Variants in ULK4 observed in about 807,000 individuals in gnomAD.
ULK4 encodes the protein inactive serine/threonine-protein kinase ULK4.
In ULK4, 133 loss-of-function variants were observed where a neutral mutation model predicts 160.6. That is an observed-to-expected ratio of 0.83 (90% CI 0.72 to 0.96). The LOEUF is 0.96. Among genes scored for constraint, ULK4 ranks in the 40% least tolerant of loss-of-function variants. ULK4 has a pLI of 0.00. For synonymous variants in ULK4, 534 were observed against 539.8 expected (o/e 0.99, Z 0.15); for missense variants, 1,580 against 1,499.5 (o/e 1.05, Z -0.89).
At chr3:41,662,474 C>G (rs1019875933) in intron 30 of ULK4, among the ~76,000 whole-genome samples, 8 of 152,170 alleles carry the variant, frequency 5.3e-5, no homozygotes, top group African/African-American at 1.7e-4. Flanking sequence ...CCCTGACACA[C>G]CCACTGGGAT....
At chr3:41,853,530 T>G (rs571529810) in intron 17 of ULK4, among the ~76,000 whole-genome samples, 4 of 152,328 alleles carry the variant, frequency 2.6e-5, no homozygotes, top group African/African-American at 9.6e-5. Flanking sequence ...TCACGTACCC[T>G]ACACTTAAAG....
At chr3:41,398,612 G>A (rs1361089845) in intron 34 of ULK4, among the ~76,000 whole-genome samples, 1 of 127,844 alleles carries the variant, frequency 7.8e-6, no homozygotes, top group East Asian at 2.3e-4. Context: ...GGCTAGTTTT[G>A]AACTCCTGGG....
At chr3:41,445,405 T>G (rs988162937) in intron 34 of ULK4, among the ~76,000 whole-genome samples, 1 of 152,134 alleles carries the variant, frequency 6.6e-6, no homozygotes, top group African/African-American at 2.4e-5. Flanking sequence ...AAAAAGAGCC[T>G]GCATCGCCAA....
At chr3:41,582,793 A>T (rs1046973586) in intron 31 of ULK4, among the ~76,000 whole-genome samples, 2 of 152,282 alleles carry the variant, frequency 1.3e-5, no homozygotes, top group African/African-American at 4.8e-5. Context: ...GCTACAAAAC[A>T]TAAAAGGTTA....
chr3:41,426,224 C>A (rs773901055), intron 34 of ULK4, among the ~76,000 whole-genome samples: 2 of 152,162 alleles, frequency 1.3e-5, no homozygotes, highest in Non-Finnish European at 2.9e-5. Context: ...ACAAGAAGAG[C>A]TAACTATCCT....
intron 23 of ULK4, among the ~76,000 whole-genome samples, chr3:41,716,091 T>C (rs1485040246): frequency 2.0e-5 from 3 of 151,274 alleles, no homozygotes; most frequent in Non-Finnish European, 4.4e-5. Context: ...TGTGCGCCTG[T>C]AGTCCCAGCT....
intron 32 of ULK4, among the ~76,000 whole-genome samples, chr3:41,560,236 A>G (rs559540323): frequency 6.6e-6 from 1 of 152,254 alleles, no homozygotes; most frequent in Admixed American, 6.5e-5. Flanking sequence ...CTGATTTGGT[A>G]CCAATATCAT....
intron 2 of ULK4, among the ~76,000 whole-genome samples, chr3:41,940,189 C>T (rs1413053316): frequency 6.6e-6 from 1 of 152,092 alleles, no homozygotes; most frequent in Non-Finnish European, 1.5e-5. Context: ...AGACACGAAG[C>T]GCCAGGCCCC....
rs556738908 is a variant in ULK4, at chr3:41,371,146, C to T, written c.3678+26933G>A. On this transcript the variant is annotated intron_variant, in intron 35 of 36. Coordinates refer to ENST00000301831, the MANE Select transcript of ULK4 (RefSeq NM_017886.4). ...CTGAAAGAAAGGCAGCAGCTCCAGT[C>T]AGGGTACTGTAGATCAAACTCCCAT... Among the ~76,000 whole-genome samples, 61 of 152,302 alleles carry T rather than the reference C, an allele frequency of 4.0e-4. 1 individual carries two copies. Among genetic ancestry groups the T allele is most frequent in the African/African-American group, 1.4e-3 (60 of 41,564 alleles).
At chr3:41,744,409 T>A (rs2038349306) in intron 22 of ULK4, among the ~76,000 whole-genome samples, 1 of 151,956 alleles carries the variant, frequency 6.6e-6, no homozygotes, top group Non-Finnish European at 1.5e-5. Flanking sequence ...AGTGACTGTA[T>A]CAATATCAAA....
intron 20 of ULK4, among the ~76,000 whole-genome samples, chr3:41,790,908 T>C (rs1293670240): frequency 6.6e-6 from 1 of 152,206 alleles, no homozygotes; most frequent in Non-Finnish European, 1.5e-5. Context: ...GCTTAAGCTA[T>C]GAATAGTTTT....
chr3:41,855,905 A>G (rs554135630), intron 17 of ULK4, among the ~76,000 whole-genome samples: 1 of 152,316 alleles, frequency 6.6e-6, no homozygotes, highest in Admixed American at 6.5e-5. Flanking sequence ...AAATACAGCA[A>G]AGGTACATTC....
In ULK4 at chr3:41,792,406, AT is replaced by A. The variant is rs138942622; in HGVS notation, c.2011-2564del. Among the ~76,000 whole-genome samples the A allele has an allele frequency of 7.8e-3, 1,186 of 151,998 alleles. 44 individuals are homozygous for A. The East Asian group carries it at 0.13, about 16-fold the overall frequency. On this transcript the variant is annotated intron_variant, in intron 20 of 36. Coordinates refer to ENST00000301831, the MANE Select transcript of ULK4 (RefSeq NM_017886.4). Reference sequence around the variant, plus strand: ...GTTTAATTATTTTCCTAATCCAAGTATTTTTTTTAAAAAAAAGATCATTTGA... The same window carrying A: ...GTTTAATTATTTTCCTAATCCAAGTATTTTTTTAAAAAAAAGATCATTTGA...
chr3:41,691,046 A>T (rs2036279438), intron 27 of ULK4, among the ~76,000 whole-genome samples: 1 of 151,748 alleles, frequency 6.6e-6, no homozygotes, highest in African/African-American at 2.4e-5. Context: ...GAAACACCTG[A>T]AACTGGTGAT....
intron 7 of ULK4, 52 bp downstream of exon 7, chr3:41,918,405 C>T (rs1699047389): frequency 1.5e-6 from 2 of 1,304,994 alleles, no homozygotes; most frequent in African/African-American, 1.5e-5. Context: ...AAAGGTACAC[C>T]TTTAATCAGT....
chr3:41,629,838 A>C (rs3042223), intron 30 of ULK4, among the ~76,000 whole-genome samples: 1 of 147,680 alleles, frequency 6.8e-6, no homozygotes, highest in Non-Finnish European at 1.5e-5. Flanking sequence ...AAAAAAAAAA[A>C]ATATAAAAAT....
chr3:41,844,163 T>C (rs9823027), intron 17 of ULK4, among the ~76,000 whole-genome samples: 47,833 of 152,062 alleles, frequency 0.31, 11,060 homozygotes, highest in African/African-American at 0.66. Context: ...CCGTGCCCTG[T>C]GCCCACACTC....
intron 30 of ULK4, among the ~76,000 whole-genome samples, chr3:41,661,537 T>TAGATAAATAGAC (rs2035166502): frequency 6.6e-6 from 1 of 151,532 alleles, no homozygotes; most frequent in African/African-American, 2.4e-5. Flanking sequence ...GATAAATAGA[T>TAGATAAATAGAC]AGATAAATAG....
intron 25 of ULK4, among the ~76,000 whole-genome samples, chr3:41,707,440 G>GA (rs2036939281): frequency 6.6e-6 from 1 of 152,018 alleles, no homozygotes; most frequent in Non-Finnish European, 1.5e-5. Flanking sequence ...TACGGAATGG[G>GA]AAAAAAATAT....
Sources: gnomAD v4.1 joint callset for allele counts (sites outside exome capture counted in the v4.1 genomes callset) on GRCh38, gnomAD v4.1.1 for gene constraint, MANE v1.5 for transcripts, NCBI Gene and HGNC (gene_info 2026-07-23, HGNC 2026-07-21) for gene names.